The following SASH1 variants were observed in gnomAD, a reference collection of about 807,000 sequenced individuals.
The protein encoded by SASH1 is SAM and SH3 domain containing 1.
Under a neutral mutation model 125.2 loss-of-function variants are expected in SASH1, and 44 were observed. The ratio of observed to expected loss-of-function variants is 0.35; its 90% CI spans 0.28 to 0.45. The LOEUF (loss-of-function observed/expected upper bound fraction) is 0.45, where lower values mean the gene tolerates loss of function less well. SASH1 is among the 20% of genes least tolerant of loss of function. SASH1 has a pLI of 1.00. For missense variants in SASH1, 1,426 were observed against 1,614.5 expected, an observed-to-expected ratio of 0.88 and a Z score of 2.00; for synonymous variants, 639 against 649.1, an observed-to-expected ratio of 0.98 and a Z score of 0.24.
chr6:148,407,714 C>A (rs1029052791), intron 2 of SASH1, among the ~76,000 whole-genome samples: 2 of 152,262 alleles, frequency 1.3e-5, no homozygotes, highest in African/African-American at 4.8e-5. Flanking sequence ...CTCACTGCAA[C>A]CTCTGCCGCC....
chr6:148,416,044 A>G (rs1001582993), intron 2 of SASH1, among the ~76,000 whole-genome samples: 1 of 152,230 alleles, frequency 6.6e-6, no homozygotes, highest in East Asian at 1.9e-4. Context: ...TGCCCAAGCA[A>G]GTCTGTCCAG....
intron 8 of SASH1, among the ~76,000 whole-genome samples, chr6:148,491,275 TG>T (rs1562454880): frequency 6.6e-6 from 1 of 152,160 alleles, no homozygotes; most frequent in African/African-American, 2.4e-5. Flanking sequence ...CATTCTTTTT[TG>T]TTGTTGTTGT....
intron 2 of SASH1, among the ~76,000 whole-genome samples, chr6:148,428,038 G>T (rs559436608): frequency 6.6e-6 from 1 of 152,308 alleles, no homozygotes; most frequent in African/African-American, 2.4e-5. Flanking sequence ...CAGAGAAAGA[G>T]CCATTTTCCT....
chr6:148,534,090 T>C, intron 15 of SASH1, 110 bp downstream of exon 15: 1 of 843,220 alleles, frequency 1.2e-6, no homozygotes, highest in Non-Finnish European at 1.9e-6. Context: ...ATCTGTGTGG[T>C]CCAATAAGGG....
the SASH1 span, among the ~76,000 whole-genome samples, chr6:148,206,153 T>C: frequency 2.2e-4 from 34 of 152,276 alleles, no homozygotes; most frequent in African/African-American, 7.7e-4. Flanking sequence ...AATGTATTAA[T>C]ACATTTTCAT....
intron 4 of SASH1, among the ~76,000 whole-genome samples, chr6:148,441,042 T>G (rs1459307307): frequency 3.3e-5 from 5 of 152,374 alleles, no homozygotes; most frequent in African/African-American, 4.8e-5. Context: ...AGAATCTTTT[T>G]TCTAAAACCT....
chr6:148,440,518 G>A lies in SASH1; in HGVS notation c.386+111G>A, dbSNP rs111357178. The A allele has an allele frequency of 6.5e-3, 5,893 of 905,494 alleles. 223 individuals are homozygous for A. The African/African-American group carries it at 0.081, about 12-fold the overall frequency. 56.1% of individuals were successfully genotyped at this position (905,494 alleles called of 1,614,324 possible). On this transcript the variant is annotated intron_variant, in intron 4 of 19. Coordinates refer to ENST00000367467, the MANE Select transcript of SASH1 (RefSeq NM_015278.5). ...GTGCGTATGTACTATGGAGTTATGC[G>A]ATGTCATTTTCCTTAACATGTTGCA...
intron 7 of SASH1, among the ~76,000 whole-genome samples, chr6:148,484,862 G>C (rs1160045575): frequency 6.6e-6 from 1 of 152,126 alleles, no homozygotes; most frequent in African/African-American, 2.4e-5. Flanking sequence ...AGGATTGCTT[G>C]AATCAGGGAG....
At chr6:148,264,629 G>C in the SASH1 span, among the ~76,000 whole-genome samples, 2 of 152,176 alleles carry the variant, frequency 1.3e-5, no homozygotes, top group Admixed American at 1.3e-4. Flanking sequence ...AGTCATACTT[G>C]ACTTTTTCCA....
At chr6:148,343,390 C>G (rs1562336399) in intron 1 of SASH1, among the ~76,000 whole-genome samples, 167 bp downstream of exon 1, 1 of 152,164 alleles carries the variant, frequency 6.6e-6, no homozygotes. Flanking sequence ...GGATTTCAAA[C>G]CCTAATTAAA....
chr6:148,500,209 C>T (rs1779505172), intron 8 of SASH1, among the ~76,000 whole-genome samples: 1 of 145,020 alleles, frequency 6.9e-6, no homozygotes, highest in South Asian at 2.2e-4. Flanking sequence ...GCCATGCTAT[C>T]TGACAATAGA....
At position 148,548,741 on chromosome 6, in the gene SASH1, C is replaced by T. The variant is rs1444560193; in HGVS notation, c.*183C>T. The T allele has an allele frequency of 6.9e-5, 40 of 579,452 alleles. No individual in the cohort carries two copies. In the South Asian group the frequency reaches 7.5e-4, roughly 11 times the overall value. The allele number at this position is 579,452 out of a possible 1,614,324, so 35.9% of individuals were successfully genotyped here. ...ATCCTCTCCTCCAGAAAAGCCCCCTCGAGGAAATAAATTAGTGCGGTTCTC... is the reference window on the plus strand; with the variant it reads ...ATCCTCTCCTCCAGAAAAGCCCCCTTGAGGAAATAAATTAGTGCGGTTCTC... On this transcript the variant is annotated 3_prime_UTR_variant, in exon 20 of 20. Transcript: ENST00000367467.
Position 148,460,781 on chromosome 6 carries a change from T to G in SASH1, c.387-7764T>G, listed in dbSNP as rs1777579552. On this transcript the variant is annotated intron_variant, in intron 4 of 19. Coordinates refer to ENST00000367467, the MANE Select transcript of SASH1 (RefSeq NM_015278.5). The stretch of plus-strand genomic sequence containing the variant: ...TGTCATGCTTAATCATTATGTGTGT[T>G]GTTTTTTGTAATTCTAAAAAACATA... Among the ~76,000 whole-genome samples, 3 of 152,258 alleles carry G rather than the reference T, an allele frequency of 2.0e-5. No individual in the cohort carries two copies. The South Asian group carries it at 6.2e-4, about 32-fold the overall frequency.
In SASH1 at chr6:148,471,522, C is replaced by T. The variant is rs776849924; in HGVS notation, c.514+19C>T. 35 of 1,447,936 alleles carry T rather than the reference C, an allele frequency of 2.4e-5. No individual in the cohort carries two copies. The highest frequency in any genetic ancestry group is 1.8e-4 in the East Asian group (8 of 43,842). The allele number at this position is 1,447,936 out of a possible 1,614,324, so 89.7% of individuals were successfully genotyped here. The stretch of plus-strand genomic sequence containing the variant: ...TCAAAAGGTACTGCAATGCAGCTGG[C>T]GGACAGTAGGTCCTTTTAGCTCTAA... On this transcript the variant is annotated intron_variant, in intron 6 of 19. Transcript: ENST00000367467.
At chr6:148,513,924 A>T (rs1780289093) in intron 8 of SASH1, 13 of 988,832 alleles carry the variant, frequency 1.3e-5, no homozygotes, top group Non-Finnish European at 1.3e-5. Flanking sequence ...ACCACGTTAA[A>T]CAGCAAGCCC....
At chr6:148,243,681 A>C in the SASH1 span, among the ~76,000 whole-genome samples, 1 of 146,966 alleles carries the variant, frequency 6.8e-6, no homozygotes, top group African/African-American at 2.5e-5. Context: ...AAAAAAAAGA[A>C]TTCAATGTGA....
chr6:148,390,744 CG>C (rs1562374574), intron 2 of SASH1, among the ~76,000 whole-genome samples: 1 of 151,182 alleles, frequency 6.6e-6, no homozygotes, highest in African/African-American at 2.4e-5. Context: ...GCCAAGATCA[CG>C]CCACTGCACT....
intron 1 of SASH1, among the ~76,000 whole-genome samples, chr6:148,273,509 G>A (rs1208303152): frequency 2.0e-5 from 3 of 151,382 alleles, no homozygotes; most frequent in Non-Finnish European, 4.4e-5. Context: ...GACCAGGCTG[G>A]TCTTGAACTC....
chr6:148,248,406 A>G, the SASH1 span, among the ~76,000 whole-genome samples: 2 of 152,242 alleles, frequency 1.3e-5, no homozygotes. Flanking sequence ...TTCAGTGAAC[A>G]ACAAACAGCA....
Sources: allele counts gnomAD v4.1 joint callset (sites outside exome capture counted in the v4.1 genomes callset), GRCh38; gene constraint gnomAD v4.1.1; transcripts MANE v1.5; gene names NCBI Gene and HGNC (gene_info 2026-07-23, HGNC 2026-07-21).